The following TULP4 variants were observed in gnomAD, a reference collection of about 807,000 sequenced individuals.
The protein encoded by TULP4 is TUB like protein 4, also known as tubby-related protein 4.
Under a neutral mutation model 129.0 loss-of-function variants are expected in TULP4, and 16 were observed. That is an observed-to-expected ratio of 0.12 (90% CI 0.08 to 0.19). The LOEUF is 0.19. Ranked by LOEUF, TULP4 falls within the 10% of genes least tolerant of loss-of-function variation. TULP4 has a pLI of 1.00. For synonymous variants in TULP4, 998 were observed against 854.0 expected (o/e 1.17, Z -2.94); for missense variants, 1,842 against 2,059.1 (o/e 0.89, Z 2.04).
intron 1 of TULP4, among the ~76,000 whole-genome samples, chr6:158,354,264 A>G (rs781110418): frequency 2.0e-5 from 3 of 152,220 alleles, no homozygotes; most frequent in African/African-American, 4.8e-5. Context: ...ACTAATAAGG[A>G]TAGAAGCTAA....
chr6:158,348,945 TGA>T (rs1562529625), intron 1 of TULP4, among the ~76,000 whole-genome samples: 3 of 13,438 alleles, frequency 2.2e-4, no homozygotes, highest in African/African-American at 3.2e-4. Context: ...ACCTCCCAGA[TGA>T]AGGGCGGCCG....
At chr6:158,465,361 T>C (rs1301778279) in intron 6 of TULP4, among the ~76,000 whole-genome samples, 1 of 152,244 alleles carries the variant, frequency 6.6e-6, no homozygotes, top group Non-Finnish European at 1.5e-5. Flanking sequence ...CTGAATAATA[T>C]TTTATTGTAT....
chr6:158,299,926 G>T (rs1365959265), intron 1 of TULP4, among the ~76,000 whole-genome samples: 1 of 152,184 alleles, frequency 6.6e-6, no homozygotes, highest in Non-Finnish European at 1.5e-5. Flanking sequence ...AAGAACAGGG[G>T]GATGTTATTT....
rs566798571 is a variant in TULP4 at position 158,403,995 on chromosome 6, A to G, written c.253-9070A>G. On this transcript the variant is annotated intron_variant, in intron 1 of 13. Transcript: ENST00000367097. ...TCAGTTTCCTATTTTGGAAGATAAG[A>G]ATGGCAACATTTGCATCATATGGTA... 7.9e-5 allele frequency among the ~76,000 whole-genome samples: 12 copies of G among 152,336 alleles called. No homozygotes were observed. In the South Asian group the frequency reaches 2.3e-3, roughly 29 times the overall value.
rs705956 is a variant in TULP4, at chr6:158,449,049, A to G, written c.597A>G (p.Arg199=). The change falls in exon 4 of 14, where the codon AGA becomes AGG. Residue 199 remains arginine (R), a synonymous_variant. Transcript: ENST00000367097. The stretch of plus-strand genomic sequence containing the variant: ...TGATTGTCATGGATTGCCACGGCAG[A>G]ATGCTGGCCCACGTCCTCTTGCACG... The part of the protein sequence containing the change: ...GQVIVMDCHG[R]MLAHVLLHES... 0.59 allele frequency: 952,150 copies of G among 1,613,516 alleles called. 284,308 individuals carry two copies. Among genetic ancestry groups the G allele is most frequent in the African/African-American group, 0.77 (57,750 of 74,962 alleles).
At chr6:158,316,051 A>G (rs556847562) in intron 1 of TULP4, among the ~76,000 whole-genome samples, 1 of 152,230 alleles carries the variant, frequency 6.6e-6, no homozygotes, top group East Asian at 1.9e-4. Context: ...ATCCTTCATT[A>G]CATACTCTCT....
At chr6:158,339,175 CT>C (rs1307572514) in intron 1 of TULP4, among the ~76,000 whole-genome samples, 2 of 151,982 alleles carry the variant, frequency 1.3e-5, no homozygotes, top group Non-Finnish European at 2.9e-5. Context: ...AGCTGGTGTC[CT>C]GGGGGAGACA....
At chr6:158,447,722 C>A (rs1040512080) in intron 3 of TULP4, among the ~76,000 whole-genome samples, 4 of 152,192 alleles carry the variant, frequency 2.6e-5, no homozygotes, top group Non-Finnish European at 5.9e-5. Context: ...ATTGAAAAAG[C>A]CTTAACCAGC....
intron 1 of TULP4, among the ~76,000 whole-genome samples, chr6:158,384,464 A>G (rs1434406742): frequency 1.3e-5 from 2 of 151,590 alleles, no homozygotes; most frequent in African/African-American, 4.8e-5. Flanking sequence ...ATTTTTTTGT[A>G]TTTTTAGTAG....
At chr6:158,433,480 C>T (rs1583870493) in intron 3 of TULP4, among the ~76,000 whole-genome samples, 1 of 152,102 alleles carries the variant, frequency 6.6e-6, no homozygotes, top group Non-Finnish European at 1.5e-5. Context: ...TTTGGGAGGC[C>T]GAGGCAGGTA....
chr6:158,479,862 C>T lies in TULP4; in HGVS notation c.1138C>T (p.Leu380=), dbSNP rs1201425207. ...VEHRVSSLQL[L]CQQAIASTLR... ...GCACCGGGTGTCCAGCCTGCAGCTG[C>T]TGTGCCAGCAGGCCATCGCCAGCAC... Residue 380 remains leucine (L), a synonymous_variant, in exon 7 of 14, where the codon CTG becomes TTG. Transcript: ENST00000367097. 7 of 1,613,788 alleles carry T rather than the reference C, an allele frequency of 4.3e-6. No individual in the cohort carries two copies. The East Asian group carries it at 1.3e-4, about 31-fold the overall frequency.
At chr6:158,415,571 AG>A (rs1778189647) in intron 2 of TULP4, among the ~76,000 whole-genome samples, 1 of 150,194 alleles carries the variant, frequency 6.7e-6, no homozygotes, top group Admixed American at 6.7e-5. Flanking sequence ...CACGTTAGCC[AG>A]GATGGTCTCG....
Position 158,445,320 on chromosome 6 carries a change from G to A in TULP4, c.544-3676G>A, listed in dbSNP as rs534348583. On this transcript the variant is annotated intron_variant, in intron 3 of 13. Transcript: ENST00000367097. ...TCACAGGAAACAGCAGGAAAATATG[G>A]GACAGAAATGTACATGATTCATCCT... 4.6e-5 allele frequency among the ~76,000 whole-genome samples: 7 copies of A among 152,252 alleles called. No individual in the cohort carries two copies. In the South Asian group the frequency reaches 1.5e-3, roughly 32 times the overall value.
chr6:158,492,594 G>A (rs1394302771), intron 9 of TULP4, among the ~76,000 whole-genome samples: 3 of 152,068 alleles, frequency 2.0e-5, no homozygotes, highest in Non-Finnish European at 2.9e-5. Context: ...TCAGGTTGCC[G>A]TCTTCCTGTG....
intron 1 of TULP4, among the ~76,000 whole-genome samples, chr6:158,348,573 T>C (rs1780376171): frequency 6.6e-6 from 1 of 152,172 alleles, no homozygotes; most frequent in Non-Finnish European, 1.5e-5. Context: ...TATGTCTCCT[T>C]CTTTCTACAC....
intron 1 of TULP4, among the ~76,000 whole-genome samples, chr6:158,261,778 C>T (rs1177260644): frequency 6.6e-6 from 1 of 152,086 alleles, no homozygotes; most frequent in Admixed American, 6.6e-5. Flanking sequence ...CAGGATTCCT[C>T]CGCCTTTCTC....
intron 1 of TULP4, among the ~76,000 whole-genome samples, chr6:158,305,972 A>T (rs1365508437): frequency 6.6e-6 from 1 of 152,192 alleles, no homozygotes; most frequent in Admixed American, 6.5e-5. Context: ...AATGCCCAAC[A>T]CCACTCATTT....
In TULP4 at chr6:158,502,042, A is replaced by C. The variant is rs1408157339; in HGVS notation, c.2379A>C (p.Arg793=). 3 of 1,613,316 alleles carry C rather than the reference A, an allele frequency of 1.9e-6. No individual in the cohort carries two copies. The highest frequency in any genetic ancestry group is 3.3e-5 in the Admixed American group (2 of 59,936). ...MQLSTVGHGD[R]DHEHLQKSAK... is the part of the protein sequence containing the mutation. ...TGTCCACGGTGGGCCATGGAGACCG[A>C]GACCACGAACACCTGCAGAAGTCAG... Residue 793 remains arginine, a synonymous_variant, in exon 13 of 14, where the codon CGA becomes CGC. Coordinates refer to ENST00000367097, the MANE Select transcript of TULP4 (RefSeq NM_020245.5).
chr6:158,473,492 C>T (rs558652393), intron 6 of TULP4, among the ~76,000 whole-genome samples: 5 of 152,318 alleles, frequency 3.3e-5, no homozygotes, highest in African/African-American at 4.8e-5. Flanking sequence ...CGTAGTTTGA[C>T]GGTGACCGAT....
Sources: allele counts gnomAD v4.1 joint callset (sites outside exome capture counted in the v4.1 genomes callset), GRCh38; gene constraint gnomAD v4.1.1; transcripts MANE v1.5; gene names NCBI Gene and HGNC (gene_info 2026-07-23, HGNC 2026-07-21).